Variants in CDH18 observed in about 807,000 individuals in gnomAD.
CDH18 encodes the protein cadherin 18.
Under a neutral mutation model 67.9 loss-of-function variants are expected in CDH18, and 31 were observed. The observed-to-expected ratio is 0.46, with a 90% CI of 0.34 to 0.62. The LOEUF (loss-of-function observed/expected upper bound fraction) is 0.62. Ranked by LOEUF, CDH18 falls within the 20% of genes least tolerant of loss-of-function variation. The pLI is 0.01. For synonymous variants in CDH18, 362 were observed against 347.2 expected (o/e 1.04, Z -0.48); for missense variants, 890 against 975.5 (o/e 0.91, Z 1.17).
In CDH18 at chr5:19,744,900, CTA is replaced by C. The variant is rs552506562; in HGVS notation, c.523+2040_523+2041del. The stretch of plus-strand genomic sequence containing the variant: ...GCTTTAAAACTTTACCAGGATTTTC[CTA>C]TGTTTGATTCTTATTCTATTTACTC... On this transcript the variant is annotated intron_variant, in intron 4 of 12. Coordinates refer to ENST00000382275, the MANE Select transcript of CDH18 (RefSeq NM_004934.5). 6.9e-3 allele frequency among the ~76,000 whole-genome samples: 1,042 copies of C among 151,958 alleles called. 3 individuals carry two copies. The highest frequency in any genetic ancestry group is 0.021 in the Middle Eastern group (6 of 292).
intron 1 of CDH18, among the ~76,000 whole-genome samples, chr5:20,409,359 A>C: frequency 6.6e-6 from 1 of 151,856 alleles, no homozygotes; most frequent in Admixed American, 6.6e-5. Flanking sequence ...GTTTGATACC[A>C]GAAGAAAATA....
intron 1 of CDH18, among the ~76,000 whole-genome samples, chr5:20,556,216 C>T (rs1488684466): frequency 6.6e-6 from 1 of 152,114 alleles, no homozygotes; most frequent in African/African-American, 2.4e-5. Flanking sequence ...TTAAATATGC[C>T]TCATGCTGTC....
chr5:20,259,661 T>C (rs1013750493), intron 1 of CDH18, among the ~76,000 whole-genome samples: 1 of 152,210 alleles, frequency 6.6e-6, no homozygotes, highest in African/African-American at 2.4e-5. Flanking sequence ...GTATATGTTA[T>C]CTGTAAGGCT....
At chr5:20,533,160 T>C (rs929479935) in intron 1 of CDH18, among the ~76,000 whole-genome samples, 3 of 152,226 alleles carry the variant, frequency 2.0e-5, no homozygotes, top group Admixed American at 6.6e-5. Flanking sequence ...ATGACGCTTC[T>C]GCAAGTCAAG....
chr5:19,473,446 T>C lies in CDH18; in HGVS notation c.2153A>G (p.Gln718Arg), dbSNP rs777870287. 6 of 1,613,828 alleles carry C rather than the reference T, an allele frequency of 3.7e-6. No homozygotes were observed. The South Asian group carries it at 6.6e-5, about 18-fold the overall frequency. Residue 718 changes from glutamine (Q) to arginine (R), a missense_variant, in exon 13 of 13, where the codon CAA (glutamine) becomes CGA (arginine). Gln to Arg is a conservative substitution (Grantham distance 43, BLOSUM62 1). Transcript: ENST00000382275. ...GTCTAGGTCTGCTTCTGCCAGTCTT[T>C]GCTTAATAAATTCCTGAACATCTAT... ...ESIDVQEFIK[Q>R]RLAEADLDPS...
chr5:20,472,952 T>C (rs7701776), intron 1 of CDH18, among the ~76,000 whole-genome samples: 2,635 of 152,290 alleles, frequency 0.017, 73 homozygotes, highest in African/African-American at 0.058. Context: ...TGGCATTGGT[T>C]GAATAGTTGA....
chr5:20,325,429 T>A (rs1487351083), intron 1 of CDH18, among the ~76,000 whole-genome samples: 2 of 152,176 alleles, frequency 1.3e-5, no homozygotes, highest in East Asian at 3.9e-4. Context: ...GTATCATGTC[T>A]TACATGTTAA....
At chr5:19,521,957 C>A (rs761758374) in intron 9 of CDH18, among the ~76,000 whole-genome samples, 1 of 152,002 alleles carries the variant, frequency 6.6e-6, no homozygotes, top group Non-Finnish European at 1.5e-5. Flanking sequence ...ATACTAGACA[C>A]TACCACTCAC....
At chr5:19,536,850 C>A (rs1292379717) in intron 9 of CDH18, among the ~76,000 whole-genome samples, 1 of 152,096 alleles carries the variant, frequency 6.6e-6, no homozygotes, top group Non-Finnish European at 1.5e-5. Flanking sequence ...ATGCTGAAGA[C>A]CTTCTCCAGG....
chr5:19,803,917 C>G (rs1343082507), intron 3 of CDH18: 1 of 151,994 alleles, frequency 6.6e-6, no homozygotes, highest in Non-Finnish European at 1.5e-5. Context: ...GTCAGGAGAT[C>G]AAGACCATCC....
At chr5:19,562,889 T>C (rs1157442396) in intron 8 of CDH18, among the ~76,000 whole-genome samples, 2 of 152,150 alleles carry the variant, frequency 1.3e-5, no homozygotes, top group East Asian at 3.9e-4. Context: ...ATATAAGAAA[T>C]GTTGATTCAG....
At chr5:20,267,980 T>A (rs1258277991) in intron 1 of CDH18, among the ~76,000 whole-genome samples, 1 of 152,162 alleles carries the variant, frequency 6.6e-6, no homozygotes, top group East Asian at 1.9e-4. Flanking sequence ...GTCCCCAGTG[T>A]TTATCTTTCC....
chr5:20,531,688 T>C (rs958600930), intron 1 of CDH18, among the ~76,000 whole-genome samples: 2 of 151,920 alleles, frequency 1.3e-5, no homozygotes, highest in African/African-American at 4.8e-5. Flanking sequence ...AGCTGAACAA[T>C]GAGAACACAT....
chr5:19,687,455 G>A (rs1761265247), intron 5 of CDH18, among the ~76,000 whole-genome samples: 2 of 152,146 alleles, frequency 1.3e-5, no homozygotes, highest in African/African-American at 4.8e-5. Flanking sequence ...TGGAATGGCA[G>A]GGTCCCCAGC....
chr5:20,044,718 T>C (rs1740760846), intron 2 of CDH18, among the ~76,000 whole-genome samples: 1 of 152,122 alleles, frequency 6.6e-6, no homozygotes, highest in African/African-American at 2.4e-5. Context: ...ATGTAAGCAG[T>C]TAAACCATAG....
intron 2 of CDH18, among the ~76,000 whole-genome samples, chr5:20,102,141 T>A (rs1316251800): frequency 1.3e-5 from 2 of 152,096 alleles, no homozygotes; most frequent in Non-Finnish European, 2.9e-5. Context: ...GAATTATACA[T>A]CAATTTCTTA....
At chr5:19,703,358 G>A (rs553759935) in intron 5 of CDH18, among the ~76,000 whole-genome samples, 2 of 152,244 alleles carry the variant, frequency 1.3e-5, no homozygotes, top group East Asian at 3.9e-4. Flanking sequence ...GCAAGTGTGG[G>A]CTCTGGTTCA....
intron 5 of CDH18, among the ~76,000 whole-genome samples, chr5:19,646,969 A>G (rs1754842956): frequency 1.3e-5 from 2 of 152,288 alleles, no homozygotes; most frequent in Non-Finnish European, 2.9e-5. Flanking sequence ...TGTTAATTGG[A>G]AGGGAGAACC....
At chr5:19,486,866 A>T (rs1740488675) in intron 11 of CDH18, among the ~76,000 whole-genome samples, 1 of 152,152 alleles carries the variant, frequency 6.6e-6, no homozygotes, top group South Asian at 2.1e-4. Context: ...AGAAAAATTA[A>T]TATAGGCTGA....
Sources: gnomAD v4.1 joint callset for allele counts (sites outside exome capture counted in the v4.1 genomes callset) on GRCh38, gnomAD v4.1.1 for gene constraint, MANE v1.5 for transcripts, NCBI Gene and HGNC (gene_info 2026-07-23, HGNC 2026-07-21) for gene names.